The following PURG variants were observed in gnomAD, a reference collection of about 807,000 sequenced individuals.
The protein encoded by PURG is purine-rich element-binding protein gamma.
Under a neutral mutation model 24.3 loss-of-function variants are expected in PURG, and 3 were observed. The ratio of observed to expected loss-of-function variants is 0.12; its 90% CI spans 0.06 to 0.32. The LOEUF is 0.32. Among genes scored for constraint, PURG ranks in the 10% least tolerant of loss-of-function variants. The probability of loss-of-function intolerance (pLI) is 1.00; values close to 1 mark genes in which losing one functional copy is unlikely to be tolerated. For synonymous variants in PURG, 180 were observed against 173.1 expected (o/e 1.04, Z -0.31); for missense variants, 371 against 439.1 (o/e 0.84, Z 1.39).
chr8:31,015,160 G>A (rs753431589), intron 1 of PURG, among the ~76,000 whole-genome samples: 3 of 152,148 alleles, frequency 2.0e-5, no homozygotes, highest in Non-Finnish European at 4.4e-5. Context: ...CCAGGCTTGC[G>A]GGGGAAAGGA....
Position 31,032,796 on chromosome 8 carries a change from TAACA to T in PURG, c.-6-12_-6-9del, listed in dbSNP as rs757275864. 174 of 1,404,892 alleles carry T rather than the reference TAACA, an allele frequency of 1.2e-4. No homozygotes were observed. Among genetic ancestry groups the T allele is most frequent in the Middle Eastern group, 2.6e-4 (1 of 3,858 alleles). 87.0% of individuals were successfully genotyped at this position (1,404,892 alleles called of 1,614,324 possible). ...GGCTCTTTCCATCTTCAGCTGCAAG[TAACA>T]AACAGACACACGGGATGGGGTGGGG... On this transcript the variant is annotated splice_polypyrimidine_tract_variant and intron_variant, in intron 1 of 1. Coordinates refer to ENST00000523392, the MANE Select transcript of PURG (RefSeq NM_001323311.2). The surrounding 1 kb of genome is among the most constrained non-coding windows in gnomAD (Gnocchi z 5.9).
intron 1 of PURG, among the ~76,000 whole-genome samples, chr8:31,010,806 G>A (rs1249554864): frequency 6.6e-6 from 1 of 151,534 alleles, no homozygotes. Context: ...AAAAGAACTT[G>A]GAAAATGATT....
rs148466291 is a variant in PURG at position 31,031,599 on chromosome 8, C to T, written c.*140G>A. 1.4e-6 allele frequency: 1 copy of T among 728,040 alleles called. No homozygotes were observed. The highest frequency in any genetic ancestry group is 2.2e-6 in the Non-Finnish European group (1 of 452,716). 45.1% of individuals were successfully genotyped at this position (728,040 alleles called of 1,614,324 possible). ...TGTGTAACATAACATGAGAATCAGA[C>T]TTCCTGAAGTATCAACTACTAGAGG... On this transcript the variant is annotated 3_prime_UTR_variant, in exon 2 of 2. Coordinates refer to ENST00000523392, the MANE Select transcript of PURG (RefSeq NM_001323311.2).
downstream of PURG, among the ~76,000 whole-genome samples, chr8:31,030,548 C>G (rs1297292377): frequency 1.3e-5 from 2 of 151,768 alleles, no homozygotes; most frequent in African/African-American, 4.8e-5. Flanking sequence ...TCAGAAAGAG[C>G]ACCTTGGAAA....
At chr8:30,996,462 G>T in exon 2 of PURG, 2 of 588,096 alleles carry the variant, frequency 3.4e-6, no homozygotes, top group Non-Finnish European at 3.0e-6. Flanking sequence ...AATGATGCCA[G>T]TGGTGTTGAT....
intron 1 of PURG, among the ~76,000 whole-genome samples, chr8:31,020,131 A>C (rs1810966138): frequency 6.6e-6 from 1 of 152,180 alleles, no homozygotes; most frequent in Admixed American, 6.5e-5. Context: ...AAGGTACTAT[A>C]AACACAGTAC....
intron 1 of PURG, among the ~76,000 whole-genome samples, chr8:31,006,395 C>G (rs1341937223): frequency 1.3e-5 from 2 of 152,000 alleles, no homozygotes; most frequent in Non-Finnish European, 2.9e-5. Context: ...GAGATTGAGA[C>G]GAGCCATGGC....
At chr8:31,001,562 C>T (rs1170713982) in intron 1 of PURG, among the ~76,000 whole-genome samples, 2 of 152,146 alleles carry the variant, frequency 1.3e-5, no homozygotes, top group African/African-American at 4.8e-5. Context: ...GGGCCAAAGA[C>T]TGGATCTTGT....
intron 1 of PURG, among the ~76,000 whole-genome samples, chr8:31,006,347 C>A (rs906500832): frequency 1.3e-5 from 2 of 152,090 alleles, no homozygotes; most frequent in East Asian, 3.9e-4. Context: ...GTAATCCCAG[C>A]ACTTTGAGAG....
At chr8:31,000,537 A>G (rs114324025) in intron 1 of PURG, among the ~76,000 whole-genome samples, 2,224 of 152,276 alleles carry the variant, frequency 0.015, 57 homozygotes, top group African/African-American at 0.051. Flanking sequence ...ATGTAAGATT[A>G]CGATTCTCTG....
At chr8:31,012,721 C>T (rs1195232981) in intron 1 of PURG, among the ~76,000 whole-genome samples, 2 of 152,222 alleles carry the variant, frequency 1.3e-5, no homozygotes, top group African/African-American at 4.8e-5. Flanking sequence ...GGCTAAATGA[C>T]TTGCCCCAGG....
intron 1 of PURG, among the ~76,000 whole-genome samples, chr8:31,015,420 G>C (rs1356003630): frequency 6.6e-6 from 1 of 151,818 alleles, no homozygotes; most frequent in Admixed American, 6.6e-5. Flanking sequence ...ATTGACTAAG[G>C]CAATTTTTTT....
chr8:31,000,452 T>C (rs1177659324), intron 1 of PURG, among the ~76,000 whole-genome samples: 2 of 152,154 alleles, frequency 1.3e-5, no homozygotes, highest in Admixed American at 1.3e-4. Flanking sequence ...CTGAGTGTGA[T>C]AAAACTAGAG....
At chr8:31,006,054 G>A (rs1469702916) in intron 1 of PURG, among the ~76,000 whole-genome samples, 1 of 152,054 alleles carries the variant, frequency 6.6e-6, no homozygotes, top group East Asian at 1.9e-4. Flanking sequence ...CAGTGTCTGG[G>A]AGCCTAACTT....
At chr8:30,996,558 C>A in exon 2 of PURG, 1 of 1,491,846 alleles carries the variant, frequency 6.7e-7, no homozygotes, top group South Asian at 1.2e-5. Flanking sequence ...CACCGAATGC[C>A]TTTATTCTGA....
chr8:31,026,722 C>A (rs1037255871), downstream of PURG, among the ~76,000 whole-genome samples: 1 of 149,150 alleles, frequency 6.7e-6, no homozygotes, highest in Admixed American at 6.7e-5. Flanking sequence ...AAATTGCTAA[C>A]ATTGGTTGCT....
At chr8:31,012,966 A>C (rs1810791754) in intron 1 of PURG, among the ~76,000 whole-genome samples, 1 of 152,256 alleles carries the variant, frequency 6.6e-6, no homozygotes, top group Non-Finnish European at 1.5e-5. Context: ...ATTTTGTGAC[A>C]AATTTAATAA....
Position 31,032,943 on chromosome 8 carries a change from G to A in PURG, c.-7+135C>T, listed in dbSNP as rs1296258134. 1.2e-5 allele frequency: 4 copies of A among 321,288 alleles called. No homozygotes were observed. Among genetic ancestry groups the A allele is most frequent in the Non-Finnish European group, 1.8e-5 (4 of 218,526 alleles). The allele number at this position is 321,288 out of a possible 1,614,324, so 19.9% of individuals were successfully genotyped here. ...GCAGCGCGGGGCTCCAGCCACTGCC[G>A]GCCGGTTGGCGGCCGCCGCTCCGGC... is the stretch of plus-strand genomic sequence containing the variant. On this transcript the variant is annotated intron_variant, in intron 1 of 1. Coordinates refer to ENST00000523392, the MANE Select transcript of PURG (RefSeq NM_001323311.2). This position sits in a 1 kb window ranked among gnomAD's most constrained non-coding sequence, Gnocchi z 5.9.
intron 1 of PURG, among the ~76,000 whole-genome samples, chr8:31,006,248 T>C (rs780559592): frequency 2.0e-5 from 3 of 152,206 alleles, no homozygotes; most frequent in Admixed American, 6.5e-5. Context: ...AAAACAATAA[T>C]GACCTTGACA....
Sources: allele counts gnomAD v4.1 joint callset (sites outside exome capture counted in the v4.1 genomes callset), GRCh38; gene constraint gnomAD v4.1.1; non-coding constraint Gnocchi (gnomAD v3.1); transcripts MANE v1.5; gene names NCBI Gene and HGNC (gene_info 2026-07-23, HGNC 2026-07-21).